The following FERMT2 variants were observed in gnomAD, a reference collection of about 807,000 sequenced individuals.
FERMT2 encodes FERM domain containing kindlin 2.
Under a neutral mutation model 82.7 loss-of-function variants are expected in FERMT2, and 15 were observed. The ratio of observed to expected loss-of-function variants is 0.18; its 90% CI spans 0.12 to 0.28. FERMT2 has a LOEUF of 0.28. FERMT2 is among the 10% of genes least tolerant of loss of function. FERMT2 has a pLI of 1.00. For synonymous variants in FERMT2, 274 were observed against 271.5 expected (o/e 1.01, Z -0.09); for missense variants, 645 against 809.4 (o/e 0.80, Z 2.46).
At chr14:52,910,493 C>T (rs1055742770) in intron 3 of FERMT2, among the ~76,000 whole-genome samples, 1 of 150,396 alleles carries the variant, frequency 6.6e-6, no homozygotes, top group African/African-American at 2.5e-5. Context: ...GAATACGTTA[C>T]ATTAAAAAAA....
chr14:52,882,355 C>T (rs1231458613), intron 4 of FERMT2, among the ~76,000 whole-genome samples: 4 of 151,964 alleles, frequency 2.6e-5, no homozygotes. Context: ...GGGATATTGC[C>T]TTATTTATCT....
At chr14:52,902,531 ATT>A (rs1411374238) in intron 3 of FERMT2, among the ~76,000 whole-genome samples, 1 of 152,024 alleles carries the variant, frequency 6.6e-6, no homozygotes, top group African/African-American at 2.4e-5. Context: ...TCTTAAATAT[ATT>A]TAAGAATACC....
chr14:52,930,925 T>G (rs556085425), intron 2 of FERMT2, among the ~76,000 whole-genome samples: 1 of 152,200 alleles, frequency 6.6e-6, no homozygotes, highest in Non-Finnish European at 1.5e-5. Flanking sequence ...CAATCATACA[T>G]TGTCTTTACT....
At chr14:52,935,367 G>A (rs1889788838) in intron 2 of FERMT2, among the ~76,000 whole-genome samples, 1 of 152,132 alleles carries the variant, frequency 6.6e-6, no homozygotes, top group African/African-American at 2.4e-5. Context: ...AACTGCTATG[G>A]ACTAAATGTT....
In FERMT2 at chr14:52,919,355, A is replaced by G. The variant is rs1284314191; in HGVS notation, c.159T>C (p.Asp53=). 1 of 1,581,372 alleles carries G rather than the reference A, an allele frequency of 6.3e-7. No individual in the cohort carries two copies. Among genetic ancestry groups the G allele is most frequent in the East Asian group, 2.3e-5 (1 of 44,428 alleles). ...CATGGTCAGACCAATCTTTTTTTACATCTATAAAAAACAAACAATAAACAA... is the reference window on the plus strand; with the variant it reads ...CATGGTCAGACCAATCTTTTTTTACGTCTATAAAAAACAAACAATAAACAA... The part of the protein sequence containing the change: ...GVMLKLVEKL[D]VKKDWSDHAL... The change falls in exon 3 of 15, where the codon GAT becomes GAC. Residue 53 remains aspartate, a splice_region_variant and synonymous_variant. Transcript: ENST00000341590.
chr14:52,949,187 C>T (rs1201441221), intron 2 of FERMT2, among the ~76,000 whole-genome samples: 1 of 151,898 alleles, frequency 6.6e-6, no homozygotes, highest in Admixed American at 6.6e-5. Context: ...CACTTTGGTC[C>T]TTCAATAATA....
chr14:52,907,774 A>C (rs1415302327), intron 3 of FERMT2, among the ~76,000 whole-genome samples: 1 of 151,256 alleles, frequency 6.6e-6, no homozygotes, highest in Non-Finnish European at 1.5e-5. Context: ...ACCACCCCCC[A>C]CCAAAAAAAA....
chr14:52,858,684 A>T (rs1884713888), intron 14 of FERMT2, 134 bp from the exon 15 acceptor site: 7 of 738,416 alleles, frequency 9.5e-6, no homozygotes, highest in Non-Finnish European at 1.3e-5. Flanking sequence ...TCTGTCTAAA[A>T]CCTAAACGAA....
At chr14:52,860,794 TTTTAA>T in intron 12 of FERMT2, 1 of 583,994 alleles carries the variant, frequency 1.7e-6, no homozygotes, top group East Asian at 3.0e-5. Flanking sequence ...TATACACGAG[TTTTAA>T]TTAAATTTAG....
At chr14:52,925,783 C>T (rs1889232208) in intron 2 of FERMT2, among the ~76,000 whole-genome samples, 1 of 152,010 alleles carries the variant, frequency 6.6e-6, no homozygotes, top group Non-Finnish European at 1.5e-5. Context: ...GGACTACAGA[C>T]AGGCACCACC....
chr14:52,942,804 T>C (rs1447402988), intron 2 of FERMT2, among the ~76,000 whole-genome samples: 4 of 152,194 alleles, frequency 2.6e-5, no homozygotes, highest in African/African-American at 9.7e-5. Context: ...ACAGCTGACA[T>C]TATGGGAAAC....
chr14:52,898,401 G>T (rs1887424798), intron 3 of FERMT2, among the ~76,000 whole-genome samples: 2 of 152,132 alleles, frequency 1.3e-5, no homozygotes, highest in South Asian at 4.2e-4. Flanking sequence ...ATCCTCAAAT[G>T]TAATTTTTGG....
Position 52,872,805 on chromosome 14 carries a change from G to A in FERMT2, c.1267C>T (p.Leu423Phe). ...SSGTPAHQMN[L>F]RGCEVTPDVN... ...CGTGCCAGGCTCTCCTTACCCCTGA[G>A]GTTCATCTGATGAGCTGGTGTGCCA... The change falls in exon 10 of 15, where the codon CTC (leucine) becomes TTC (phenylalanine). Residue 423 changes from leucine to phenylalanine, a missense_variant. Coordinates refer to ENST00000341590, the MANE Select transcript of FERMT2 (RefSeq NM_006832.3). 1 of 1,613,792 alleles carries A rather than the reference G, an allele frequency of 6.2e-7. No individual in the cohort carries two copies. Among genetic ancestry groups the A allele is most frequent in the Non-Finnish European group, 8.5e-7 (1 of 1,179,866 alleles).
intron 2 of FERMT2, among the ~76,000 whole-genome samples, chr14:52,934,564 A>G (rs1271504487): frequency 6.6e-6 from 1 of 152,190 alleles, no homozygotes; most frequent in Admixed American, 6.5e-5. Context: ...TTCAGTATGC[A>G]AAGTTTTTGC....
chr14:52,877,356 G>A (rs1048563921), intron 7 of FERMT2, among the ~76,000 whole-genome samples: 6 of 151,988 alleles, frequency 3.9e-5, no homozygotes, highest in South Asian at 2.1e-4. Flanking sequence ...ACCACGTGAG[G>A]GGACTCCCAA....
At chr14:52,883,887 GGCTCCTCCTCCGCCTTCC>G (rs1886432418) in intron 4 of FERMT2, among the ~76,000 whole-genome samples, 1 of 152,084 alleles carries the variant, frequency 6.6e-6, no homozygotes, top group Non-Finnish European at 1.5e-5. Context: ...GTGAAGTGCT[GGCTCCTCCTCCGCCTTCC>G]GCTGTAATTG....
rs569072432 is a variant in FERMT2, at chr14:52,902,623, C to G, written c.392-9196G>C. 4.6e-5 allele frequency among the ~76,000 whole-genome samples: 7 copies of G among 151,712 alleles called. No homozygotes were observed. In the East Asian group the frequency reaches 9.7e-4, roughly 21 times the overall value. On this transcript the variant is annotated intron_variant, in intron 3 of 14. Transcript: ENST00000341590. Reference sequence around the variant, plus strand: ...GTGTCTCATGCCTGTAATCCCAGCACTTTGGGAGGCCGAGGCGGGTGGATT... The same window carrying G: ...GTGTCTCATGCCTGTAATCCCAGCAGTTTGGGAGGCCGAGGCGGGTGGATT...
intron 7 of FERMT2, among the ~76,000 whole-genome samples, chr14:52,878,217 G>A (rs73302535): frequency 0.012 from 1,866 of 152,192 alleles, 36 homozygotes; most frequent in African/African-American, 0.042. Flanking sequence ...AATTATACAG[G>A]TAAGCTTCAG....
intron 2 of FERMT2, among the ~76,000 whole-genome samples, chr14:52,948,134 A>G (rs949710586): frequency 6.6e-6 from 1 of 152,054 alleles, no homozygotes; most frequent in African/African-American, 2.4e-5. Context: ...CATCCCTACC[A>G]CCATCTCCAC....
Sources: gnomAD v4.1 joint callset for allele counts (sites outside exome capture counted in the v4.1 genomes callset) on GRCh38, gnomAD v4.1.1 for gene constraint, MANE v1.5 for transcripts, NCBI Gene and HGNC (gene_info 2026-07-23, HGNC 2026-07-21) for gene names.